Variants in KIF25 observed in about 807,000 individuals in gnomAD.
The protein encoded by KIF25 is kinesin family member 25.
KIF25 carries 19 observed loss-of-function variants against 32.9 expected under a neutral mutation model. That is an observed-to-expected ratio of 0.58 (90% CI 0.40 to 0.85). The LOEUF (loss-of-function observed/expected upper bound fraction) is 0.85, where lower values mean the gene tolerates loss of function less well. Among genes scored for constraint, KIF25 ranks in the 40% least tolerant of loss-of-function variants. The pLI, the probability that KIF25 is intolerant of heterozygous loss-of-function variation, is 0.00. For synonymous variants in KIF25, 225 were observed against 213.7 expected (o/e 1.05, Z -0.46); for missense variants, 485 against 507.0 (o/e 0.96, Z 0.42).
chr6:168,005,984 C>A (rs1798574573), intron 4 of KIF25, among the ~76,000 whole-genome samples: 2 of 152,170 alleles, frequency 1.3e-5, no homozygotes, highest in African/African-American at 4.8e-5. Context: ...TTGTTCCTGG[C>A]CCAGCAAGGG....
intron 4 of KIF25, among the ~76,000 whole-genome samples, chr6:168,007,572 A>T (rs1168471394): frequency 6.6e-6 from 1 of 152,190 alleles, no homozygotes; most frequent in African/African-American, 2.4e-5. Flanking sequence ...CTCTCTGTTA[A>T]AAGGTGAACT....
chr6:168,015,413 A>G (rs113395484), intron 4 of KIF25, among the ~76,000 whole-genome samples: 4 of 152,330 alleles, frequency 2.6e-5, no homozygotes, highest in African/African-American at 9.6e-5. Flanking sequence ...TAAATAAAAA[A>G]CTAGATGCTA....
chr6:168,006,666 T>C (rs537629506), intron 4 of KIF25, among the ~76,000 whole-genome samples: 1 of 152,322 alleles, frequency 6.6e-6, no homozygotes, highest in Admixed American at 6.5e-5. Context: ...CATGAAATGC[T>C]AAACACTTCA....
At position 168,009,935 on chromosome 6, in the gene KIF25, G is replaced by C. The variant is rs1465023649; in HGVS notation, c.-163+6232G>C. 2.0e-5 allele frequency among the ~76,000 whole-genome samples: 3 copies of C among 151,876 alleles called. No individual in the cohort carries two copies. The East Asian group carries it at 5.8e-4, about 29-fold the overall frequency. ...TTGTGATATCTCTTTTTCTGTTTCT[G>C]ATTTTATTTGGGTCTTCCTTCTTTT... On this transcript the variant is annotated intron_variant, in intron 4 of 12. Transcript: ENST00000643607.
At chr6:168,032,534 G>A (rs1410559473) in intron 7 of KIF25, among the ~76,000 whole-genome samples, 1 of 152,188 alleles carries the variant, frequency 6.6e-6, no homozygotes, top group African/African-American at 2.4e-5. Context: ...TCAGCTTGGC[G>A]GGAGCTTGTG....
chr6:168,001,562 G>A (rs1378984536), intron 2 of KIF25, among the ~76,000 whole-genome samples: 1 of 95,720 alleles, frequency 1.0e-5, no homozygotes, highest in Non-Finnish European at 2.0e-5. Context: ...CCTCGGGCAG[G>A]TGAGAAGACA....
intron 5 of KIF25, among the ~76,000 whole-genome samples, chr6:168,026,372 A>G (rs80222829): frequency 0.021 from 3,269 of 152,302 alleles, 127 homozygotes; most frequent in African/African-American, 0.075. Flanking sequence ...GAATTTGTGC[A>G]ACTTGCTGTC....
chr6:168,029,722 G>C (rs762811637), intron 6 of KIF25, 45 bp downstream of exon 6: 14 of 1,583,144 alleles, frequency 8.8e-6, no homozygotes, highest in Non-Finnish European at 1.2e-5. Context: ...GTCTGGAGCC[G>C]GGTGATGTGC....
intron 5 of KIF25, among the ~76,000 whole-genome samples, chr6:168,028,988 C>CAT: frequency 6.6e-6 from 1 of 152,166 alleles, no homozygotes; most frequent in Non-Finnish European, 1.5e-5. Context: ...TTTGTCTTTT[C>CAT]ATTTTGGATT....
At position 167,998,868 on chromosome 6, in the gene KIF25, A is replaced by G. The variant is rs1279637481; in HGVS notation, c.-601A>G. ...GGAGTTCGAGACCAGCTTGGCCAAC[A>G]TGGTAAAAACCCTTCTGTACTAAAA... is the stretch of plus-strand genomic sequence containing the variant. On this transcript the variant is annotated splice_region_variant and 5_prime_UTR_variant, in exon 1 of 13. An upstream start codon of the reference 5' UTR is lost. Transcript: ENST00000643607. The G allele has an allele frequency of 2.0e-5, 3 of 152,300 alleles. No homozygotes were observed. The highest frequency in any genetic ancestry group is 4.8e-5 in the African/African-American group (2 of 41,552). 9.4% of individuals were successfully genotyped at this position (152,300 alleles called of 1,614,324 possible).
chr6:168,024,924 G>T (rs1274265451), intron 5 of KIF25, among the ~76,000 whole-genome samples: 2 of 152,116 alleles, frequency 1.3e-5, no homozygotes, highest in African/African-American at 4.8e-5. Context: ...GGTGGCACAC[G>T]CCTATAGTCC....
intron 2 of KIF25, among the ~76,000 whole-genome samples, chr6:168,001,723 G>A (rs573309487): frequency 0.01 from 766 of 75,022 alleles, 20 homozygotes; most frequent in Admixed American, 0.017. Flanking sequence ...GCGTGGCCGC[G>A]GGCAGGTGAG....
At chr6:168,013,036 A>G (rs559899070) in intron 4 of KIF25, among the ~76,000 whole-genome samples, 1 of 151,972 alleles carries the variant, frequency 6.6e-6, no homozygotes. Flanking sequence ...GCTCGGGGAT[A>G]TGCTTACTGA....
intron 4 of KIF25, among the ~76,000 whole-genome samples, chr6:168,016,964 C>T (rs898341156): frequency 1.3e-5 from 2 of 152,226 alleles, no homozygotes; most frequent in Non-Finnish European, 2.9e-5. Flanking sequence ...CGGGGATTCC[C>T]ACGGCCTCTC....
intron 10 of KIF25, 42 bp from the exon 11 acceptor site, chr6:168,041,927 A>G: frequency 6.5e-7 from 1 of 1,542,984 alleles, no homozygotes; most frequent in African/African-American, 1.4e-5. Context: ...TCATGGCTTC[A>G]TGCAACTGTT....
At chr6:168,023,057 C>G (rs1798809467) in intron 5 of KIF25, among the ~76,000 whole-genome samples, 2 of 152,128 alleles carry the variant, frequency 1.3e-5, no homozygotes, top group Non-Finnish European at 2.9e-5. Context: ...TTTTCAGGGA[C>G]TAGGCCTATC....
At chr6:168,044,650 G>T (rs113232203) in intron 12 of KIF25, among the ~76,000 whole-genome samples, 177 bp from the exon 13 acceptor site, 7,305 of 152,142 alleles carry the variant, frequency 0.048, 324 homozygotes, top group African/African-American at 0.11. Context: ...GCTAGTGACC[G>T]GCTGCTGACC....
At chr6:168,001,316 A>C (rs1044372836) in intron 2 of KIF25, among the ~76,000 whole-genome samples, 4 of 152,182 alleles carry the variant, frequency 2.6e-5, no homozygotes. Flanking sequence ...TGGATTTTGG[A>C]GCATTTTGGA....
chr6:168,001,814 G>T (rs4079276), intron 2 of KIF25, among the ~76,000 whole-genome samples: 4,845 of 85,246 alleles, frequency 0.057, 292 homozygotes, highest in Non-Finnish European at 0.089. Flanking sequence ...GACACCTGAG[G>T]CATGGCCTCG....
Sources: allele counts gnomAD v4.1 joint callset (sites outside exome capture counted in the v4.1 genomes callset), GRCh38; gene constraint gnomAD v4.1.1; transcripts MANE v1.5; gene names NCBI Gene and HGNC (gene_info 2026-07-23, HGNC 2026-07-21).